DCC: variants seen among roughly 807,000 people sequenced by gnomAD.
DCC encodes the protein DCC netrin 1 receptor.
In DCC, 58 loss-of-function variants were observed where a neutral mutation model predicts 172.5. The ratio of observed to expected loss-of-function variants is 0.34; its 90% confidence interval spans 0.27 to 0.42. The LOEUF (loss-of-function observed/expected upper bound fraction) is 0.42, where lower values mean the gene tolerates loss of function less well. Among genes scored for constraint, DCC ranks in the 10% least tolerant of loss-of-function variants. DCC has a pLI of 1.00. For missense variants in DCC, 1,740 were observed against 1,791.0 expected (o/e 0.97, Z 0.51); for synonymous variants, 709 against 644.5 (o/e 1.10, Z -1.52).
At chr18:52,726,360 T>C (rs2036551975) in intron 1 of DCC, among the ~76,000 whole-genome samples, 1 of 152,172 alleles carries the variant, frequency 6.6e-6, no homozygotes. Context: ...TGCGTAGTAA[T>C]TGTGATTTTT....
At chr18:52,677,602 A>C (rs1206323213) in intron 1 of DCC, among the ~76,000 whole-genome samples, 1 of 152,308 alleles carries the variant, frequency 6.6e-6, no homozygotes, top group South Asian at 2.1e-4. Context: ...TAAAGAAGGA[A>C]GAAATGCCTT....
At chr18:53,191,105 T>G (rs572044617) in intron 9 of DCC, among the ~76,000 whole-genome samples, 2 of 152,316 alleles carry the variant, frequency 1.3e-5, no homozygotes, top group African/African-American at 4.8e-5. Flanking sequence ...GTTGAATTTC[T>G]TGATTCAAAG....
At chr18:52,599,437 T>C (rs1483481880) in intron 1 of DCC, among the ~76,000 whole-genome samples, 3 of 152,206 alleles carry the variant, frequency 2.0e-5, no homozygotes, top group Non-Finnish European at 4.4e-5. Context: ...CAAGTAAATG[T>C]GGCTGCGTTC....
chr18:53,187,515 A>G (rs952690586), intron 9 of DCC, among the ~76,000 whole-genome samples: 1 of 152,174 alleles, frequency 6.6e-6, no homozygotes, highest in African/African-American at 2.4e-5. Flanking sequence ...TGCACAAACC[A>G]TATTGCCTTT....
At chr18:52,964,463 T>C (rs964753898) in intron 5 of DCC, among the ~76,000 whole-genome samples, 1 of 152,176 alleles carries the variant, frequency 6.6e-6, no homozygotes, top group Non-Finnish European at 1.5e-5. Flanking sequence ...GTGGCTTTTT[T>C]AATCTCAATT....
chr18:53,355,190 G>A (rs1316840839), intron 15 of DCC, among the ~76,000 whole-genome samples: 2 of 152,134 alleles, frequency 1.3e-5, no homozygotes, highest in Middle Eastern at 3.2e-3. Flanking sequence ...TTGTAGTATA[G>A]TTTGAAGTCA....
At chr18:53,118,627 A>G (rs917037304) in intron 7 of DCC, among the ~76,000 whole-genome samples, 6 of 151,828 alleles carry the variant, frequency 4.0e-5, no homozygotes, top group African/African-American at 1.4e-4. Flanking sequence ...TGGTCCCTGT[A>G]TAAGTGGGGA....
At chr18:52,634,029 G>A (rs575129886) in intron 1 of DCC, among the ~76,000 whole-genome samples, 1 of 152,366 alleles carries the variant, frequency 6.6e-6, no homozygotes, top group East Asian at 1.9e-4. Context: ...CATTCAGGGA[G>A]ATGCAATAGG....
intron 24 of DCC, among the ~76,000 whole-genome samples, chr18:53,466,090 C>T (rs1470459210): frequency 6.6e-6 from 1 of 152,106 alleles, no homozygotes. Flanking sequence ...AATGTTGCCA[C>T]TTTATTTCTT....
chr18:52,732,543 A>G (rs2145096400), intron 1 of DCC, among the ~76,000 whole-genome samples: 1 of 152,236 alleles, frequency 6.6e-6, no homozygotes, highest in South Asian at 2.1e-4. Flanking sequence ...TTCTTTTCCC[A>G]CTGTCTATGG....
At chr18:52,923,201 T>C (rs1267918618) in intron 3 of DCC, among the ~76,000 whole-genome samples, 1 of 152,180 alleles carries the variant, frequency 6.6e-6, no homozygotes, top group East Asian at 1.9e-4. Context: ...AAAGCAGTTA[T>C]TTTCTCAGCA....
At chr18:52,927,219 A>AGGTG (rs2040232016) in intron 5 of DCC, among the ~76,000 whole-genome samples, 1 of 129,050 alleles carries the variant, frequency 7.7e-6, no homozygotes, top group Non-Finnish European at 1.7e-5. Context: ...ACATATACAC[A>AGGTG]TATATGCACA....
At chr18:52,356,009 C>T (rs895971492) in intron 1 of DCC, among the ~76,000 whole-genome samples, 4 of 152,112 alleles carry the variant, frequency 2.6e-5, no homozygotes, top group South Asian at 2.1e-4. Context: ...CTTCTTAGTC[C>T]AGGCACCAGA....
At chr18:53,439,917 A>G (rs1057292965) in intron 22 of DCC, among the ~76,000 whole-genome samples, 1 of 150,788 alleles carries the variant, frequency 6.6e-6, no homozygotes, top group African/African-American at 2.4e-5. Context: ...GGCGCCCGCC[A>G]CTACGCCCGG....
At chr18:53,264,476 C>CAAAAAA (rs935972832) in intron 12 of DCC, among the ~76,000 whole-genome samples, 7 of 46,242 alleles carry the variant, frequency 1.5e-4, no homozygotes, top group African/African-American at 4.0e-4. Context: ...AACTCCGTCT[C>CAAAAAA]AAAAAAAAAA....
intron 1 of DCC, among the ~76,000 whole-genome samples, chr18:52,500,862 T>C (rs917857522): frequency 2.0e-5 from 3 of 152,096 alleles, no homozygotes; most frequent in African/African-American, 7.2e-5. Flanking sequence ...AGCTGCAAAA[T>C]GGGGATAAAA....
intron 14 of DCC, among the ~76,000 whole-genome samples, chr18:53,322,956 A>G (rs987591154): frequency 1.3e-5 from 2 of 152,074 alleles, no homozygotes; most frequent in Non-Finnish European, 2.9e-5. Flanking sequence ...TCTTAAATCT[A>G]AGTAATCAAA....
intron 12 of DCC, among the ~76,000 whole-genome samples, chr18:53,280,232 A>AT (rs1368164407): frequency 2.0e-5 from 3 of 152,130 alleles, no homozygotes; most frequent in African/African-American, 7.2e-5. Context: ...GCAAACTGTT[A>AT]TTTTTATTTT....
intron 22 of DCC, among the ~76,000 whole-genome samples, chr18:53,441,779 C>T (rs1377318491): frequency 6.6e-6 from 1 of 152,198 alleles, no homozygotes; most frequent in Non-Finnish European, 1.5e-5. Context: ...GACCCCTCTC[C>T]ACACAACAGC....
Sources: allele counts gnomAD v4.1 joint callset (sites outside exome capture counted in the v4.1 genomes callset), GRCh38; gene constraint gnomAD v4.1.1; transcripts MANE v1.5; gene names NCBI Gene and HGNC (gene_info 2026-07-23, HGNC 2026-07-21).